MTBP: variants seen among roughly 807,000 people sequenced by gnomAD.
The protein encoded by MTBP is mdm2-binding protein.
MTBP carries 101 observed loss-of-function variants against 117.0 expected under a neutral mutation model. That is an observed-to-expected ratio of 0.86 (90% CI 0.73 to 1.02). The LOEUF is 1.02. Among genes scored for constraint, MTBP ranks in the 50% least tolerant of loss-of-function variants. MTBP has a pLI of 0.00. For synonymous variants in MTBP, 350 were observed against 351.5 expected (o/e 1.00, Z 0.05); for missense variants, 970 against 1,030.9 (o/e 0.94, Z 0.81).
chr8:120,445,910 A>G (rs1054867168), intron 1 of MTBP, among the ~76,000 whole-genome samples: 1 of 152,204 alleles, frequency 6.6e-6, no homozygotes, highest in African/African-American at 2.4e-5. Flanking sequence ...TGTGTTTCAC[A>G]TGCAAATAAT....
rs112176129 is a variant in MTBP at position 120,509,971 on chromosome 8, G to A, written c.1921G>A (p.Gly641Arg). 7 of 1,611,808 alleles carry A rather than the reference G, an allele frequency of 4.3e-6. No homozygotes were observed. The highest frequency in any genetic ancestry group is 2.7e-5 in the African/African-American group (2 of 74,962). The change falls in exon 17 of 22, where the codon GGG becomes AGG. Residue 641 changes from glycine (G) to arginine (R), a missense_variant. By Grantham distance (125) the Gly-to-Arg change is moderately radical. Transcript: ENST00000305949. ...TGTTTTGACACCAGAACTTAGTCCT[G>A]GGAAACTTCAGGTCTTACCTTTTGA... ...TFVLTPELSPGKLQVLPFEKA... is the reference protein window; with the variant it reads ...TFVLTPELSPRKLQVLPFEKA...
chr8:120,514,765 A>T (rs936768190), intron 17 of MTBP, among the ~76,000 whole-genome samples: 3 of 152,066 alleles, frequency 2.0e-5, no homozygotes, highest in African/African-American at 4.8e-5. Context: ...CCCTGTTTGC[A>T]TGTTTCAGGC....
chr8:120,513,336 G>T (rs1814852360), intron 17 of MTBP, among the ~76,000 whole-genome samples: 1 of 151,916 alleles, frequency 6.6e-6, no homozygotes, highest in African/African-American at 2.4e-5. Context: ...TGTCTTATGG[G>T]TGTTTTTCTT....
chr8:120,523,185 TC>T (rs1815034001), intron 21 of MTBP, 112 bp from the exon 22 acceptor site: 1 of 729,880 alleles, frequency 1.4e-6, no homozygotes, highest in Admixed American at 2.6e-5. Flanking sequence ...TTCAGTATCT[TC>T]CTTTTTATTT....
At chr8:120,518,584 C>T in intron 19 of MTBP, 120 bp from the exon 20 acceptor site, 3 of 578,736 alleles carry the variant, frequency 5.2e-6, no homozygotes, top group Non-Finnish European at 8.9e-6. Context: ...CTTAATGAAC[C>T]TGTCTGTCTT....
rs143250160 is a variant in MTBP, at chr8:120,515,987, G to A, written c.2042G>A (p.Arg681His). ...RDGGFSELQS[R>H]LIRYETQTTC... ...GGAGGATTTTCTGAACTTCAGTCTC[G>A]TCTTATTCGTTATGAAACTCAAACT... Residue 681 changes from arginine (R) to histidine (H), a missense_variant, in exon 18 of 22, where the codon CGT becomes CAT. Transcript: ENST00000305949. 12 of 1,612,892 alleles carry A rather than the reference G, an allele frequency of 7.4e-6. No individual in the cohort carries two copies. Among genetic ancestry groups the A allele is most frequent in the Admixed American group, 3.3e-5 (2 of 59,930 alleles).
intron 11 of MTBP, among the ~76,000 whole-genome samples, chr8:120,482,427 A>G (rs1277109415): frequency 6.6e-5 from 10 of 152,110 alleles, no homozygotes; most frequent in Non-Finnish European, 8.8e-5. Flanking sequence ...CCAATCTTCT[A>G]TGCTTCTGTG....
At chr8:120,473,820 A>G (rs974861860) in intron 11 of MTBP, 1 of 152,088 alleles carries the variant, frequency 6.6e-6, no homozygotes, top group Non-Finnish European at 1.5e-5. Context: ...ACATATAGTC[A>G]TGGGATAATA....
intron 13 of MTBP, among the ~76,000 whole-genome samples, chr8:120,496,777 G>A (rs1814474682): frequency 6.6e-6 from 1 of 151,702 alleles, no homozygotes; most frequent in Non-Finnish European, 1.5e-5. Flanking sequence ...CATAGGGGAA[G>A]GACCTGCAGT....
intron 11 of MTBP, chr8:120,472,684 CAT>C (rs1282520882): frequency 6.6e-6 from 1 of 152,142 alleles, no homozygotes; most frequent in Non-Finnish European, 1.5e-5. Context: ...TCAGGACAAA[CAT>C]ATAGAACTTG....
At chr8:120,491,608 T>C (rs1223995664) in intron 13 of MTBP, among the ~76,000 whole-genome samples, 1 of 152,208 alleles carries the variant, frequency 6.6e-6, no homozygotes, top group Non-Finnish European at 1.5e-5. Context: ...ATACCAGTAT[T>C]GTTATGGTTA....
rs973695833 is a variant in MTBP at position 120,465,737 on chromosome 8, G to A, written c.1047+1976G>A. The stretch of plus-strand genomic sequence containing the variant: ...AGCAGTGGCGCGATCTCAGCTCACC[G>A]CAACCTCTGCCTCCCGGGTTCAAGT... On this transcript the variant is annotated intron_variant, in intron 10 of 21. Coordinates refer to ENST00000305949, the MANE Select transcript of MTBP (RefSeq NM_022045.5). Among the ~76,000 whole-genome samples the A allele has an allele frequency of 2.3e-5, 3 of 131,914 alleles. No individual in the cohort carries two copies. The South Asian group carries it at 7.8e-4, about 34-fold the overall frequency. 86.5% of individuals were successfully genotyped at this position (131,914 alleles called of 152,430 possible).
Position 120,488,141 on chromosome 8 carries a change from A to T in MTBP, c.1166-18A>T, listed in dbSNP as rs201146622. ...GCTGAATTTTCACATACTTAACAAG[A>T]TAATTGTTTTTGTTTAGTTCCAGAT... On this transcript the variant is annotated intron_variant, in intron 11 of 21. Transcript: ENST00000305949. The T allele has an allele frequency of 3.2e-6, 5 of 1,569,860 alleles. No individual in the cohort carries two copies. Among genetic ancestry groups the T allele is most frequent in the Non-Finnish European group, 4.3e-6 (5 of 1,160,884 alleles).
In MTBP at chr8:120,523,352, T is replaced by A. The variant is rs780416766; in HGVS notation, c.*16T>A. On this transcript the variant is annotated 3_prime_UTR_variant, in exon 22 of 22. Transcript: ENST00000305949. ...CAAGAAATGATACATAATCATTCTCTTTAAGACAATTATAAATTGGATGGA... is the reference window on the plus strand; with the variant it reads ...CAAGAAATGATACATAATCATTCTCATTAAGACAATTATAAATTGGATGGA... 1 of 1,485,100 alleles carries A rather than the reference T, an allele frequency of 6.7e-7. No individual in the cohort carries two copies. The allele number at this position is 1,485,100 out of a possible 1,614,324, so 92.0% of individuals were successfully genotyped here. A position where few individuals can be genotyped will look rare whatever the true frequency, so the allele number is the denominator to read the frequency against.
At chr8:120,500,363 A>G (rs1814557903) in intron 14 of MTBP, among the ~76,000 whole-genome samples, 1 of 152,134 alleles carries the variant, frequency 6.6e-6, no homozygotes, top group Non-Finnish European at 1.5e-5. Flanking sequence ...CTATTTCTTA[A>G]TATTTAGCCT....
chr8:120,449,801 TAAC>T (rs1354920873), intron 2 of MTBP, among the ~76,000 whole-genome samples: 2 of 152,144 alleles, frequency 1.3e-5, no homozygotes, highest in Non-Finnish European at 2.9e-5. Context: ...AGAGGTCAAA[TAAC>T]AACAGAACTA....
intron 10 of MTBP, among the ~76,000 whole-genome samples, chr8:120,469,740 G>A (rs58477355): frequency 0.055 from 8,325 of 152,162 alleles, 449 homozygotes; most frequent in African/African-American, 0.14. Context: ...AACATAAAGC[G>A]AGAAATGCTC....
intron 2 of MTBP, among the ~76,000 whole-genome samples, 180 bp downstream of exon 2, chr8:120,446,693 T>C (rs1039529455): frequency 1.3e-5 from 2 of 152,162 alleles, no homozygotes; most frequent in African/African-American, 4.8e-5. Context: ...TTCTAGATGC[T>C]TGAATATAGT....
At chr8:120,461,356 C>T in intron 9 of MTBP, 101 bp downstream of exon 9, 3 of 777,096 alleles carry the variant, frequency 3.9e-6, no homozygotes, top group Admixed American at 2.6e-5. Context: ...ATATCTTTTT[C>T]ATTATATTCA....
Sources: allele counts gnomAD v4.1 joint callset (sites outside exome capture counted in the v4.1 genomes callset), GRCh38; gene constraint gnomAD v4.1.1; transcripts MANE v1.5; gene names NCBI Gene and HGNC (gene_info 2026-07-23, HGNC 2026-07-21).